ZSCAN5A: variants seen among roughly 807,000 people sequenced by gnomAD.
ZSCAN5A encodes the protein zinc finger and SCAN domain containing 5A.
ZSCAN5A carries 12 observed loss-of-function variants against 23.7 expected under a neutral mutation model. That is an observed-to-expected ratio of 0.51 (90% CI 0.32 to 0.82). ZSCAN5A has a LOEUF of 0.82. Among genes scored for constraint, ZSCAN5A ranks in the 40% least tolerant of loss-of-function variants. ZSCAN5A has a pLI of 0.03. For synonymous variants in ZSCAN5A, 257 were observed against 239.9 expected (o/e 1.07, Z -0.66); for missense variants, 597 against 617.9 (o/e 0.97, Z 0.36).
At chr19:56,342,680 G>A (rs1044404916) in intron 2 of ZSCAN5A, 18 of 593,836 alleles carry the variant, frequency 3.0e-5, no homozygotes, top group African/African-American at 3.0e-4. Flanking sequence ...GTCCCCACGG[G>A]TGAACATGAA....
intron 2 of ZSCAN5A, chr19:56,354,675 T>A (rs2041690808): frequency 6.6e-6 from 1 of 152,160 alleles, no homozygotes; most frequent in African/African-American, 2.4e-5. Flanking sequence ...AAGTTAAACG[T>A]AAGAAAGCAG....
intron 2 of ZSCAN5A, chr19:56,321,010 C>A: frequency 1.4e-6 from 1 of 704,936 alleles, no homozygotes. Flanking sequence ...TGTCCACTTT[C>A]CACCTGCTGT....
At chr19:56,224,204 A>G (rs913271584) in intron 3 of ZSCAN5A, 7 of 266,890 alleles carry the variant, frequency 2.6e-5, no homozygotes, top group Non-Finnish European at 4.9e-5. Context: ...AGATCCCTGC[A>G]TCTGATACCA....
intron 2 of ZSCAN5A, among the ~76,000 whole-genome samples, chr19:56,251,173 T>C (rs904391306): frequency 1.3e-5 from 2 of 148,576 alleles, no homozygotes; most frequent in Non-Finnish European, 3.0e-5. Context: ...AAAAGACCAC[T>C]GATGACCCTT....
chr19:56,233,074 G>C (rs4801304), intron 2 of ZSCAN5A, among the ~76,000 whole-genome samples: 69,260 of 152,042 alleles, frequency 0.46, 15,945 homozygotes, highest in South Asian at 0.58. Flanking sequence ...CGTTGGAGCT[G>C]TGAGTGATGT....
chr19:56,322,562 G>C (rs370959329), intron 2 of ZSCAN5A, among the ~76,000 whole-genome samples: 1 of 152,206 alleles, frequency 6.6e-6, no homozygotes, highest in African/African-American at 2.4e-5. Context: ...TTACCTCTCT[G>C]TTCATCTCTG....
chr19:56,285,352 G>A (rs927298277), intron 2 of ZSCAN5A, among the ~76,000 whole-genome samples: 3 of 152,164 alleles, frequency 2.0e-5, no homozygotes, highest in African/African-American at 7.2e-5. Flanking sequence ...CTAGAAGCAA[G>A]CACCATTTCT....
Position 56,222,193 on chromosome 19 carries a change from A to G in ZSCAN5A, c.873T>C (p.Ala291=), listed in dbSNP as rs1376644398. The change falls in exon 6 of 6, where the codon GCT becomes GCC. Residue 291 remains alanine, a synonymous_variant. Coordinates refer to ENST00000683990, the MANE Select transcript of ZSCAN5A (RefSeq NM_001322064.3). ...ASTHSGNRGD[A]LNLSSPKRSK... ...TTCTTTTGGGACTGCTCAGATTCAG[A>G]GCGTCTCCTCTGTTCCCGCTGTGAG... The G allele has an allele frequency of 1.2e-6, 2 of 1,613,904 alleles. No individual in the cohort carries two copies. Among genetic ancestry groups the G allele is most frequent in the East Asian group, 2.2e-5 (1 of 44,850 alleles).
At chr19:56,323,193 C>T (rs2041396513) in intron 2 of ZSCAN5A, among the ~76,000 whole-genome samples, 1 of 151,776 alleles carries the variant, frequency 6.6e-6, no homozygotes, top group Non-Finnish European at 1.5e-5. Context: ...CGCGCCCGGC[C>T]TTGGTTTCTT....
intron 2 of ZSCAN5A, among the ~76,000 whole-genome samples, chr19:56,349,423 G>A (rs573647407): frequency 5.9e-4 from 90 of 152,202 alleles, no homozygotes; most frequent in Non-Finnish European, 1.0e-3. Context: ...TTGGCCGAGC[G>A]CGGTGGCTCA....
chr19:56,275,021 C>T (rs1315136054), intron 2 of ZSCAN5A: 2 of 152,162 alleles, frequency 1.3e-5, no homozygotes, highest in Non-Finnish European at 2.9e-5. Flanking sequence ...GCAGGAATAC[C>T]ACAGAAGTGG....
Position 56,221,940 on chromosome 19 carries a change from T to G in ZSCAN5A, c.1126A>C (p.Arg376=). ...AAGAGTCTCTCGCCTGTGTGTGATC[T>G]CTTGTGGATGACTAGCTTGGAATTA... The part of the protein sequence containing the change: ...TCNSKLVIHK[R]SHTGERLFQC... Residue 376 remains arginine, a synonymous_variant, in exon 6 of 6, where the codon AGA becomes CGA. Transcript: ENST00000683990. 1 of 1,614,096 alleles carries G rather than the reference T, an allele frequency of 6.2e-7. No homozygotes were observed. Among genetic ancestry groups the G allele is most frequent in the East Asian group, 2.2e-5 (1 of 44,872 alleles).
intron 2 of ZSCAN5A, among the ~76,000 whole-genome samples, chr19:56,284,504 C>A (rs1039720462): frequency 1.1e-4 from 14 of 128,400 alleles, no homozygotes; most frequent in Admixed American, 6.9e-4. Flanking sequence ...ACAAGTGATG[C>A]TTGCTGTAAT....
At chr19:56,241,625 T>C (rs1422144788) in intron 2 of ZSCAN5A, among the ~76,000 whole-genome samples, 4 of 152,090 alleles carry the variant, frequency 2.6e-5, no homozygotes. Context: ...CTTTTAGCAA[T>C]TTCCAAGCAT....
intron 2 of ZSCAN5A, among the ~76,000 whole-genome samples, chr19:56,242,595 C>T (rs1267125468): frequency 6.6e-6 from 1 of 152,116 alleles, no homozygotes; most frequent in Non-Finnish European, 1.5e-5. Context: ...CGAGACCCTC[C>T]TGTCAATTCT....
At chr19:56,231,996 C>CTTTTTTCTTTTT (rs2034511086) in intron 2 of ZSCAN5A, among the ~76,000 whole-genome samples, 2 of 124,986 alleles carry the variant, frequency 1.6e-5, no homozygotes, top group African/African-American at 6.0e-5. Context: ...TTTTTCTTTT[C>CTTTTTTCTTTTT]TTTTTTTTTG....
intron 2 of ZSCAN5A, among the ~76,000 whole-genome samples, chr19:56,243,232 T>C (rs1024306279): frequency 2.6e-4 from 39 of 151,758 alleles, no homozygotes; most frequent in African/African-American, 8.2e-4. Context: ...GGGCAGAGGG[T>C]GATCATTGAT....
chr19:56,245,087 A>G, intron 2 of ZSCAN5A: 1 of 335,814 alleles, frequency 3.0e-6, no homozygotes, highest in Non-Finnish European at 5.5e-6. Flanking sequence ...TGCTGTGTCC[A>G]CAGAGCTGAT....
chr19:56,321,023 TA>T (rs2041369944), intron 2 of ZSCAN5A: 1 of 702,930 alleles, frequency 1.4e-6, no homozygotes. Flanking sequence ...CCTGCTGTAG[TA>T]ATAAGACTTC....
Sources: gnomAD v4.1 joint callset for allele counts (sites outside exome capture counted in the v4.1 genomes callset) on GRCh38, gnomAD v4.1.1 for gene constraint, MANE v1.5 for transcripts, NCBI Gene and HGNC (gene_info 2026-07-23, HGNC 2026-07-21) for gene names.